Variants in INPP4B observed in about 807,000 individuals in gnomAD.
INPP4B encodes inositol polyphosphate 4-phosphatase type II.
In INPP4B, 55 loss-of-function variants were observed where a neutral mutation model predicts 122.5. That is an observed-to-expected ratio of 0.45 (90% CI 0.36 to 0.56). The LOEUF is 0.56. Ranked by LOEUF, INPP4B falls within the 20% of genes least tolerant of loss-of-function variation. The pLI is 0.00. For synonymous variants in INPP4B, 403 were observed against 388.7 expected (o/e 1.04, Z -0.43); for missense variants, 1,000 against 1,097.7 (o/e 0.91, Z 1.26).
At chr4:142,430,052 T>C (rs1276550793) in intron 4 of INPP4B, among the ~76,000 whole-genome samples, 2 of 152,096 alleles carry the variant, frequency 1.3e-5, no homozygotes, top group Non-Finnish European at 2.9e-5. Context: ...TGAAAGAGTA[T>C]TATACAAATC....
upstream of INPP4B, chr4:142,846,342 C>T (rs1784199212): frequency 6.6e-6 from 1 of 152,246 alleles, no homozygotes; most frequent in Non-Finnish European, 1.5e-5. The surrounding 1 kb of genome is among the most constrained non-coding windows in gnomAD (Gnocchi z 5.1). Context: ...AGACCGAAGC[C>T]TCAGTACCCG....
intron 12 of INPP4B, among the ~76,000 whole-genome samples, chr4:142,235,720 C>G (rs1057237166): frequency 2.0e-5 from 3 of 152,206 alleles, no homozygotes; most frequent in Non-Finnish European, 4.4e-5. Flanking sequence ...CCACCGCGTC[C>G]ACCTGACATG....
At chr4:142,588,624 A>G (rs1279373384) in intron 2 of INPP4B, among the ~76,000 whole-genome samples, 1 of 150,914 alleles carries the variant, frequency 6.6e-6, no homozygotes, top group African/African-American at 2.4e-5. Context: ...AATAAGAATA[A>G]ATATAACAAA....
chr4:142,265,509 C>T (rs1742313785), intron 10 of INPP4B, among the ~76,000 whole-genome samples: 1 of 152,150 alleles, frequency 6.6e-6, no homozygotes, highest in African/African-American at 2.4e-5. Flanking sequence ...TTCTAAAAAG[C>T]ACTCTAGGTG....
At chr4:142,693,883 G>T (rs1369694184) in intron 2 of INPP4B, among the ~76,000 whole-genome samples, 1 of 152,098 alleles carries the variant, frequency 6.6e-6, no homozygotes, top group African/African-American at 2.4e-5. Context: ...AAAGTAGGAA[G>T]AAAAAGCCTT....
At chr4:142,457,541 ATGT>A (rs1815719038) in intron 3 of INPP4B, among the ~76,000 whole-genome samples, 1 of 152,194 alleles carries the variant, frequency 6.6e-6, no homozygotes, top group South Asian at 2.1e-4. Context: ...CATGGAAAAA[ATGT>A]TGTGTCATTA....
At chr4:142,427,132 CCA>C (rs1401084940) in intron 5 of INPP4B, 3 of 164,778 alleles carry the variant, frequency 1.8e-5, no homozygotes, top group African/African-American at 7.2e-5. Context: ...AGTAAAACAT[CCA>C]CGGGTTTATC....
At chr4:142,688,374 T>G (rs764152943) in intron 2 of INPP4B, among the ~76,000 whole-genome samples, 10 of 152,130 alleles carry the variant, frequency 6.6e-5, no homozygotes, top group Non-Finnish European at 1.5e-4. Flanking sequence ...TTTTTTTGCC[T>G]TCATCATTCT....
chr4:142,046,722 G>T (rs948059350), intron 25 of INPP4B, among the ~76,000 whole-genome samples: 1 of 151,936 alleles, frequency 6.6e-6, no homozygotes, highest in Admixed American at 6.6e-5. Context: ...GACTATTTTT[G>T]AACTTTAGGA....
chr4:142,749,985 C>T (rs915285953), intron 1 of INPP4B, among the ~76,000 whole-genome samples: 1 of 151,730 alleles, frequency 6.6e-6, no homozygotes, highest in Non-Finnish European at 1.5e-5. Flanking sequence ...CATAATTCAC[C>T]ACCTCATGGC....
At chr4:142,055,120 C>CTTTTGTCCACAAAAGTA (rs961312300) in intron 25 of INPP4B, among the ~76,000 whole-genome samples, 3 of 152,044 alleles carry the variant, frequency 2.0e-5, no homozygotes, top group Non-Finnish European at 4.4e-5. Context: ...TGTGGACCTA[C>CTTTTGTCCACAAAAGTA]TTTGTGCACT....
intron 2 of INPP4B, among the ~76,000 whole-genome samples, chr4:142,583,240 C>A (rs947862539): frequency 9.9e-5 from 15 of 152,028 alleles, no homozygotes; most frequent in African/African-American, 3.1e-4. Flanking sequence ...AACTTTGAGA[C>A]CTTACCTGCC....
At chr4:142,839,851 G>T (rs535064587) in intron 1 of INPP4B, among the ~76,000 whole-genome samples, 9 of 152,264 alleles carry the variant, frequency 5.9e-5, no homozygotes, top group African/African-American at 1.4e-4. Flanking sequence ...TCTTAATTAT[G>T]CCAATTTGGG....
At chr4:142,172,683 ATAT>A (rs1246014319) in intron 16 of INPP4B, among the ~76,000 whole-genome samples, 1 of 152,036 alleles carries the variant, frequency 6.6e-6, no homozygotes, top group Non-Finnish European at 1.5e-5. Flanking sequence ...TAAGCATAAG[ATAT>A]TATTATAAAT....
chr4:142,219,461 A>G (rs1364822709), intron 12 of INPP4B, among the ~76,000 whole-genome samples: 1 of 152,200 alleles, frequency 6.6e-6, no homozygotes, highest in African/African-American at 2.4e-5. Flanking sequence ...AAAGTTATTA[A>G]ACATGGCCAG....
chr4:142,676,669 C>T (rs749873449), intron 2 of INPP4B, among the ~76,000 whole-genome samples: 1 of 151,852 alleles, frequency 6.6e-6, no homozygotes, highest in Non-Finnish European at 1.5e-5. Context: ...CATAACAGAG[C>T]CCTCAGAAAT....
At chr4:142,564,819 TAACTCAGG>T (rs1731285746) in intron 2 of INPP4B, among the ~76,000 whole-genome samples, 1 of 152,030 alleles carries the variant, frequency 6.6e-6, no homozygotes, top group South Asian at 2.1e-4. Flanking sequence ...AAAAATGGAG[TAACTCAGG>T]CACTCTCATA....
chr4:142,736,724 T>C (rs143111332), intron 1 of INPP4B, among the ~76,000 whole-genome samples: 3,755 of 152,278 alleles, frequency 0.025, 58 homozygotes, highest in Middle Eastern at 0.095. Flanking sequence ...TTTCTAGATA[T>C]ACAATCATGT....
At chr4:142,099,594 C>T (rs1030683279) in intron 23 of INPP4B, among the ~76,000 whole-genome samples, 3 of 152,052 alleles carry the variant, frequency 2.0e-5, no homozygotes, top group Non-Finnish European at 2.9e-5. Context: ...CTTCTTATAT[C>T]TTTAAACCCT....
Sources: allele counts gnomAD v4.1 joint callset (sites outside exome capture counted in the v4.1 genomes callset), GRCh38; gene constraint gnomAD v4.1.1; non-coding constraint Gnocchi (gnomAD v3.1); transcripts MANE v1.5; gene names NCBI Gene and HGNC (gene_info 2026-07-23, HGNC 2026-07-21).